Variants in SOX6 observed in about 807,000 individuals in gnomAD.
SOX6 encodes SRY-box transcription factor 6, also known as transcription factor SOX-6.
Under a neutral mutation model 97.8 loss-of-function variants are expected in SOX6, and 11 were observed. That is an observed-to-expected ratio of 0.11 (90% CI 0.07 to 0.19). The LOEUF is 0.19. Ranked by LOEUF, SOX6 falls within the 10% of genes least tolerant of loss-of-function variation. The pLI, the probability that SOX6 is intolerant of heterozygous loss-of-function variation, is 1.00. For synonymous variants in SOX6, 360 were observed against 371.4 expected, an observed-to-expected ratio of 0.97 and a Z score of 0.35; for missense variants, 810 against 1,039.5, an observed-to-expected ratio of 0.78 and a Z score of 3.04.
In SOX6 at chr11:16,440,502, A is replaced by G. The variant is rs375796131; in HGVS notation, c.-5+35813T>C. 8.5e-5 allele frequency among the ~76,000 whole-genome samples: 13 copies of G among 152,316 alleles called. No individual in the cohort carries two copies. The East Asian group carries it at 2.5e-3, about 29-fold the overall frequency. On this transcript the variant is annotated intron_variant, in intron 1 of 15. Coordinates refer to the SOX6 transcript ENST00000396356. ...GAAACAACTATCTTCATTTCATTTT[A>G]TTTAAATCAGCCAGACACTGTGTAT...
intron 3 of SOX6, among the ~76,000 whole-genome samples, chr11:16,279,971 T>C (rs1226747502): frequency 6.6e-6 from 1 of 152,040 alleles, no homozygotes; most frequent in Non-Finnish European, 1.5e-5. Flanking sequence ...GTGAAAACAA[T>C]TTCAAAATGA....
At chr11:16,627,193 C>T (rs1007104960) in intron 3 of SOX6, among the ~76,000 whole-genome samples, 1 of 152,138 alleles carries the variant, frequency 6.6e-6, no homozygotes, top group East Asian at 1.9e-4. Context: ...ATGTTGTATA[C>T]ATACCACATT....
chr11:16,399,129 C>A (rs1858468660), intron 1 of SOX6, among the ~76,000 whole-genome samples: 1 of 151,252 alleles, frequency 6.6e-6, no homozygotes, highest in South Asian at 2.1e-4. Context: ...TGCTTCAGTT[C>A]CTCATCTGTA....
chr11:16,005,090 A>G (rs1564903219), intron 13 of SOX6, among the ~76,000 whole-genome samples: 1 of 151,942 alleles, frequency 6.6e-6, no homozygotes, highest in South Asian at 2.1e-4. Flanking sequence ...AGAACATAGG[A>G]GGTGCTTAAC....
At chr11:16,294,721 C>T (rs1284897807) in intron 3 of SOX6, among the ~76,000 whole-genome samples, 1 of 151,896 alleles carries the variant, frequency 6.6e-6, no homozygotes, top group African/African-American at 2.4e-5. Context: ...TCTTTAAACA[C>T]TGAAAAAAAT....
chr11:16,138,148 A>G (rs1850023567), intron 6 of SOX6, among the ~76,000 whole-genome samples: 1 of 152,224 alleles, frequency 6.6e-6, no homozygotes, highest in African/African-American at 2.4e-5. Flanking sequence ...ATAGTTCTAC[A>G]TATAGAATTG....
intron 14 of SOX6, among the ~76,000 whole-genome samples, chr11:15,987,451 C>A (rs1853890897): frequency 6.6e-6 from 1 of 152,156 alleles, no homozygotes; most frequent in African/African-American, 2.4e-5. Context: ...ACGAAGAATT[C>A]TTGGTGCTCT....
At chr11:16,541,435 C>G (rs972384885) in intron 4 of SOX6, among the ~76,000 whole-genome samples, 13 of 152,146 alleles carry the variant, frequency 8.5e-5, no homozygotes, top group African/African-American at 2.9e-4. Flanking sequence ...GACTAAAACA[C>G]CGAAAGCAAT....
intron 6 of SOX6, among the ~76,000 whole-genome samples, chr11:16,162,608 T>C (rs1454690680): frequency 6.6e-6 from 1 of 152,214 alleles, no homozygotes; most frequent in Admixed American, 6.5e-5. Context: ...TCCGTCATGA[T>C]TGTAAGTTTC....
intron 4 of SOX6, among the ~76,000 whole-genome samples, chr11:16,579,506 A>C (rs1192350537): frequency 6.6e-6 from 1 of 152,058 alleles, no homozygotes; most frequent in African/African-American, 2.4e-5. Context: ...GTTATGCCTG[A>C]ACTTAATAAA....
upstream of SOX6, among the ~76,000 whole-genome samples, chr11:16,360,859 C>T (rs185399176): frequency 3.3e-5 from 5 of 151,834 alleles, no homozygotes; most frequent in South Asian, 4.2e-4. Flanking sequence ...AAAAGTTGGC[C>T]GGGCATGGTG....
intron 4 of SOX6, among the ~76,000 whole-genome samples, chr11:16,536,492 G>A (rs986311757): frequency 2.0e-5 from 3 of 152,196 alleles, no homozygotes; most frequent in Non-Finnish European, 4.4e-5. Flanking sequence ...GCTGAAGAAG[G>A]GCGGGGCATC....
intron 3 of SOX6, among the ~76,000 whole-genome samples, chr11:16,288,739 T>C (rs1854823926): frequency 6.6e-6 from 1 of 151,928 alleles, no homozygotes; most frequent in African/African-American, 2.4e-5. Context: ...GATTTCTCAG[T>C]ACTATATGAT....
At chr11:16,698,689 C>T (rs1239140073) in intron 3 of SOX6, among the ~76,000 whole-genome samples, 1 of 152,100 alleles carries the variant, frequency 6.6e-6, no homozygotes, top group African/African-American at 2.4e-5. Flanking sequence ...TATCGAGAGG[C>T]GATTGTAGGC....
At chr11:16,133,041 C>T (rs1849861347) in intron 6 of SOX6, among the ~76,000 whole-genome samples, 1 of 151,974 alleles carries the variant, frequency 6.6e-6, no homozygotes, top group Admixed American at 6.6e-5. Flanking sequence ...CTAACTCAGA[C>T]CCCAGTAACA....
At chr11:16,497,167 G>A (rs535525965) in intron 4 of SOX6, among the ~76,000 whole-genome samples, 13 of 152,246 alleles carry the variant, frequency 8.5e-5, no homozygotes, top group South Asian at 2.1e-4. Flanking sequence ...ACCAATATCC[G>A]CTGTTCTGCA....
At chr11:16,686,319 C>T (rs1847969136) in intron 3 of SOX6, among the ~76,000 whole-genome samples, 1 of 152,226 alleles carries the variant, frequency 6.6e-6, no homozygotes, top group Non-Finnish European at 1.5e-5. Context: ...GCTCTGCTTC[C>T]CTTTTCAATA....
chr11:16,049,804 G>A lies in SOX6; in HGVS notation c.1386C>T (p.Ser462=). ...KTSPVNLPNK[S]SIPSPIGGSL... ...TTCCTCCAATGGGGCTAGGGATGCT[G>A]CTTTTGTTTGGCAGATTGACAGGGC... is the stretch of plus-strand genomic sequence containing the variant. The change falls in exon 11 of 16, where the codon AGC becomes AGT. Residue 462 remains serine (S), a synonymous_variant. Coordinates refer to ENST00000683767, the MANE Select transcript of SOX6 (RefSeq NM_001367873.1). 6.2e-7 allele frequency: 1 copy of A among 1,613,652 alleles called. No individual in the cohort carries two copies. Among genetic ancestry groups the A allele is most frequent in the Non-Finnish European group, 8.5e-7 (1 of 1,179,816 alleles).
intron 4 of SOX6, among the ~76,000 whole-genome samples, chr11:16,222,416 A>C (rs934390027): frequency 1.3e-5 from 2 of 151,900 alleles, no homozygotes; most frequent in Admixed American, 1.3e-4. Context: ...GTCTTGCTAT[A>C]TTGCCCAGGC....
Sources: gnomAD v4.1 joint callset for allele counts (sites outside exome capture counted in the v4.1 genomes callset) on GRCh38, gnomAD v4.1.1 for gene constraint, MANE v1.5 for transcripts, NCBI Gene and HGNC (gene_info 2026-07-23, HGNC 2026-07-21) for gene names.